The following ANTXR1 variants were observed in gnomAD, a reference collection of about 807,000 sequenced individuals.
ANTXR1 encodes the protein ANTXR cell adhesion molecule 1, also known as anthrax toxin receptor 1.
ANTXR1 carries 19 observed loss-of-function variants against 78.1 expected under a neutral mutation model. That is an observed-to-expected ratio of 0.24 (90% confidence interval 0.17 to 0.36). ANTXR1 has a LOEUF of 0.36. Among genes scored for constraint, ANTXR1 ranks in the 10% least tolerant of loss-of-function variants. The pLI, the probability that ANTXR1 is intolerant of heterozygous loss-of-function variation, is 1.00. For missense variants in ANTXR1, 518 were observed against 718.6 expected, an observed-to-expected ratio of 0.72 and a Z score of 3.19; for synonymous variants, 273 against 260.5, an observed-to-expected ratio of 1.05 and a Z score of -0.46.
intron 17 of ANTXR1, among the ~76,000 whole-genome samples, chr2:69,242,719 G>A (rs1675923421): frequency 6.6e-6 from 1 of 152,214 alleles, no homozygotes; most frequent in Non-Finnish European, 1.5e-5. Flanking sequence ...GGGCAGAACA[G>A]ATAGCACAGT....
At chr2:69,075,748 G>A (rs1670710963) in intron 7 of ANTXR1, 90 bp downstream of exon 7, 2 of 1,155,560 alleles carry the variant, frequency 1.7e-6, no homozygotes, top group Admixed American at 1.7e-5. Context: ...AAGATCAATG[G>A]AATAAATGCC....
chr2:69,230,837 T>C (rs980328147), intron 17 of ANTXR1, among the ~76,000 whole-genome samples: 4 of 152,190 alleles, frequency 2.6e-5, no homozygotes, highest in African/African-American at 4.8e-5. Context: ...TGGGGGTACA[T>C]GTGAAGGTTT....
In ANTXR1 at chr2:69,123,008, T is replaced by G; in HGVS notation, c.803-9T>G. 1 of 1,613,994 alleles carries G rather than the reference T, an allele frequency of 6.2e-7. No homozygotes were observed. The highest frequency in any genetic ancestry group is 1.7e-5 in the Admixed American group (1 of 60,030). On this transcript the variant is annotated splice_polypyrimidine_tract_variant and intron_variant, in intron 10 of 17. Transcript: ENST00000303714. ...CCCTCTTCTTAATCCAGTGATTTCC[T>G]TTTTGCAGATGAGAAGCCCTTTTCT... is the stretch of plus-strand genomic sequence containing the variant.
intron 14 of ANTXR1, among the ~76,000 whole-genome samples, chr2:69,171,180 CA>C (rs1221134924): frequency 1.3e-5 from 2 of 152,188 alleles, no homozygotes; most frequent in African/African-American, 4.8e-5. Flanking sequence ...ATGCATTTGT[CA>C]AGTTTCCTAC....
At chr2:69,072,251 C>A (rs1670589045) in intron 5 of ANTXR1, among the ~76,000 whole-genome samples, 1 of 152,174 alleles carries the variant, frequency 6.6e-6, no homozygotes, top group Non-Finnish European at 1.5e-5. Context: ...ATAAAATATA[C>A]TCAGTAGAGT....
intron 17 of ANTXR1, among the ~76,000 whole-genome samples, chr2:69,199,473 G>A (rs933941152): frequency 1.3e-5 from 2 of 152,150 alleles, no homozygotes; most frequent in African/African-American, 4.8e-5. Flanking sequence ...AGAATAACTA[G>A]TCTACCTTAA....
intron 17 of ANTXR1, among the ~76,000 whole-genome samples, chr2:69,226,842 A>AT (rs1675468368): frequency 6.6e-6 from 1 of 151,870 alleles, no homozygotes; most frequent in Admixed American, 6.6e-5. Flanking sequence ...TAACATATAT[A>AT]TTTTTTTTCC....
At chr2:69,134,955 A>T (rs2104404196) in intron 12 of ANTXR1, 1 of 330,758 alleles carries the variant, frequency 3.0e-6, no homozygotes, top group African/African-American at 2.1e-5. Flanking sequence ...ATGTCCCAGT[A>T]TTTTTATTAT....
At chr2:69,220,274 T>A (rs1400863146) in intron 17 of ANTXR1, among the ~76,000 whole-genome samples, 1 of 152,186 alleles carries the variant, frequency 6.6e-6, no homozygotes, top group African/African-American at 2.4e-5. Context: ...TCTCTCCTCA[T>A]CATACAGAGC....
intron 17 of ANTXR1, among the ~76,000 whole-genome samples, chr2:69,210,449 C>A (rs79367220): frequency 6.6e-6 from 1 of 152,174 alleles, no homozygotes; most frequent in African/African-American, 2.4e-5. Flanking sequence ...TGATTTTATT[C>A]TTTCACTCTC....
At chr2:69,201,792 C>T (rs1027566888) in intron 17 of ANTXR1, among the ~76,000 whole-genome samples, 2 of 152,080 alleles carry the variant, frequency 1.3e-5, no homozygotes, top group African/African-American at 2.4e-5. Flanking sequence ...GACAGCTTTG[C>T]GAGGGAAGAT....
chr2:69,075,863 C>T (rs1573846187), intron 7 of ANTXR1, among the ~76,000 whole-genome samples: 1 of 152,200 alleles, frequency 6.6e-6, no homozygotes, highest in South Asian at 2.1e-4. Flanking sequence ...TCAACACAGA[C>T]CATCAAGGCA....
intron 1 of ANTXR1, among the ~76,000 whole-genome samples, chr2:69,031,749 C>T (rs1473022506): frequency 1.3e-5 from 2 of 152,224 alleles, no homozygotes; most frequent in Non-Finnish European, 2.9e-5. Context: ...TGTTCTTTAA[C>T]TGCTAAAGGA....
chr2:69,036,719 A>G (rs1669439080), intron 1 of ANTXR1, among the ~76,000 whole-genome samples: 2 of 152,192 alleles, frequency 1.3e-5, no homozygotes, highest in South Asian at 4.1e-4. Flanking sequence ...TCTTTAAGGA[A>G]ATCTCTTGAT....
At chr2:69,142,514 A>G (rs1272843904) in intron 12 of ANTXR1, among the ~76,000 whole-genome samples, 2 of 152,226 alleles carry the variant, frequency 1.3e-5, no homozygotes, top group Non-Finnish European at 2.9e-5. Context: ...ACAAATGCAG[A>G]GTTCAGTGGT....
In ANTXR1 at chr2:69,045,660, C is replaced by A. The variant is rs145722125; in HGVS notation, c.296+847C>A. On this transcript the variant is annotated intron_variant, in intron 3 of 17. Coordinates refer to ENST00000303714, the MANE Select transcript of ANTXR1 (RefSeq NM_032208.3). ...CTTATAGAAATGAATATAGGACTAA[C>A]AGGACAGAGTAAAATTTTCTAGCTG... 1.6e-3 allele frequency among the ~76,000 whole-genome samples: 238 copies of A among 152,250 alleles called. 13 individuals are homozygous for A. In the East Asian group the frequency reaches 0.031, roughly 20 times the overall value.
At chr2:69,224,010 G>A (rs1004296242) in intron 17 of ANTXR1, among the ~76,000 whole-genome samples, 2 of 152,224 alleles carry the variant, frequency 1.3e-5, no homozygotes, top group African/African-American at 2.4e-5. Flanking sequence ...CAAGTTGAAT[G>A]CTGTCTACTA....
intron 14 of ANTXR1, among the ~76,000 whole-genome samples, chr2:69,177,401 T>G (rs985747172): frequency 6.6e-6 from 1 of 152,164 alleles, no homozygotes; most frequent in Non-Finnish European, 1.5e-5. Context: ...TTCACAGACT[T>G]CATCCTCTAC....
chr2:69,201,711 TGAA>T (rs1674776507), intron 17 of ANTXR1, among the ~76,000 whole-genome samples: 1 of 152,114 alleles, frequency 6.6e-6, no homozygotes, highest in African/African-American at 2.4e-5. Context: ...GTAGAAAGTG[TGAA>T]GGAGGACCTC....
Sources: gnomAD v4.1 joint callset for allele counts (sites outside exome capture counted in the v4.1 genomes callset) on GRCh38, gnomAD v4.1.1 for gene constraint, MANE v1.5 for transcripts, NCBI Gene and HGNC (gene_info 2026-07-23, HGNC 2026-07-21) for gene names.